Variants in TSNARE1 observed in about 807,000 individuals in gnomAD.
TSNARE1 encodes the protein t-SNARE domain-containing protein 1.
A neutral mutation model predicts 62.0 loss-of-function variants in TSNARE1; 49 were observed. The ratio of observed to expected loss-of-function variants is 0.79; its 90% CI spans 0.63 to 1.00. The LOEUF (loss-of-function observed/expected upper bound fraction) is 1.00. Among genes scored for constraint, TSNARE1 ranks in the 50% least tolerant of loss-of-function variants. The pLI, the probability that TSNARE1 is intolerant of heterozygous loss-of-function variation, is 0.00. For synonymous variants in TSNARE1, 328 were observed against 294.4 expected, an observed-to-expected ratio of 1.11 and a Z score of -1.17; for missense variants, 755 against 700.1, an observed-to-expected ratio of 1.08 and a Z score of -0.88.
chr8:142,361,164 G>A (rs970780854), intron 1 of TSNARE1, among the ~76,000 whole-genome samples: 1 of 152,246 alleles, frequency 6.6e-6, no homozygotes, highest in Non-Finnish European at 1.5e-5. Flanking sequence ...CTTCGGGCAC[G>A]CGTTCTCTGT....
intron 6 of TSNARE1, among the ~76,000 whole-genome samples, chr8:142,327,811 C>T (rs866572760): frequency 1.6e-4 from 24 of 152,214 alleles, no homozygotes; most frequent in Admixed American, 3.9e-4. Flanking sequence ...GATTCTGACA[C>T]GCAAGTCCCG....
intron 12 of TSNARE1, among the ~76,000 whole-genome samples, chr8:142,242,143 C>A (rs34894263): frequency 0.074 from 1,958 of 26,462 alleles, no homozygotes; most frequent in African/African-American, 0.19. Flanking sequence ...AAACTCTAAA[C>A]CTACGATCTC....
chr8:142,387,056 T>G (rs1398254311), intron 1 of TSNARE1, among the ~76,000 whole-genome samples: 1 of 152,118 alleles, frequency 6.6e-6, no homozygotes, highest in African/African-American at 2.4e-5. Context: ...GACTCCAAAT[T>G]AGGAACATAA....
intron 13 of TSNARE1, among the ~76,000 whole-genome samples, chr8:142,226,587 G>A (rs890945047): frequency 6.6e-6 from 1 of 152,160 alleles, no homozygotes; most frequent in Non-Finnish European, 1.5e-5. Flanking sequence ...GCCCCCTCAG[G>A]CAACCCACTC....
intron 1 of TSNARE1, among the ~76,000 whole-genome samples, chr8:142,376,891 G>A (rs1416030255): frequency 6.6e-6 from 1 of 152,240 alleles, no homozygotes; most frequent in Admixed American, 6.5e-5. Flanking sequence ...AGGCTGATCA[G>A]CAGAACCTGG....
At chr8:142,307,019 T>C (rs1037316167) in intron 9 of TSNARE1, among the ~76,000 whole-genome samples, 1 of 152,166 alleles carries the variant, frequency 6.6e-6, no homozygotes, top group Non-Finnish European at 1.5e-5. Context: ...TGTCCACCAG[T>C]GGGGCCTGGT....
chr8:142,260,546 G>A (rs1314853012), intron 12 of TSNARE1, among the ~76,000 whole-genome samples: 1 of 152,104 alleles, frequency 6.6e-6, no homozygotes, highest in East Asian at 1.9e-4. Flanking sequence ...TAACTCAGAA[G>A]CCCAAACTCT....
intron 1 of TSNARE1, among the ~76,000 whole-genome samples, chr8:142,355,558 T>C (rs1363064584): frequency 3.3e-5 from 5 of 152,048 alleles, no homozygotes; most frequent in African/African-American, 4.8e-5. Flanking sequence ...TCAGAGCAAA[T>C]GACCAGAGGA....
At chr8:142,297,249 A>T (rs1382882078) in intron 10 of TSNARE1, among the ~76,000 whole-genome samples, 1 of 152,222 alleles carries the variant, frequency 6.6e-6, no homozygotes, top group Non-Finnish European at 1.5e-5. Flanking sequence ...CCCAGTGGAC[A>T]GGAGCCCCCA....
At chr8:142,293,680 C>T (rs1416300782) in intron 10 of TSNARE1, among the ~76,000 whole-genome samples, 1 of 152,188 alleles carries the variant, frequency 6.6e-6, no homozygotes. Flanking sequence ...GGCTGTCATC[C>T]CTCCCACCAG....
intron 13 of TSNARE1, among the ~76,000 whole-genome samples, chr8:142,217,855 A>ATCAGGGCTCAGTGTGACCAGGG (rs1815967287): frequency 7.9e-6 from 1 of 126,462 alleles, no homozygotes; most frequent in Admixed American, 7.8e-5. Flanking sequence ...TGTGAGCAGG[A>ATCAGGGCTCAGTGTGACCAGGG]TCAGGGCTCA....
At chr8:142,346,943 AGGT>A (rs1430015760) in intron 2 of TSNARE1, among the ~76,000 whole-genome samples, 1 of 152,204 alleles carries the variant, frequency 6.6e-6, no homozygotes, top group Non-Finnish European at 1.5e-5. Flanking sequence ...GACCCCCACG[AGGT>A]GGGCGAGGGC....
chr8:142,232,431 G>T (rs776034975), intron 12 of TSNARE1, among the ~76,000 whole-genome samples: 1 of 152,254 alleles, frequency 6.6e-6, no homozygotes, highest in South Asian at 2.1e-4. Flanking sequence ...GTCTCCCTGC[G>T]CTACGTCTCT....
intron 13 of TSNARE1, among the ~76,000 whole-genome samples, chr8:142,215,605 C>T (rs1020321559): frequency 2.0e-5 from 3 of 152,142 alleles, no homozygotes; most frequent in Non-Finnish European, 4.4e-5. Context: ...AGCTGTCCCC[C>T]GTGACCTACC....
In TSNARE1 at chr8:142,398,986, GC is replaced by G. The variant is rs532299292; in HGVS notation, c.-40+4117del. Among the ~76,000 whole-genome samples the G allele has an allele frequency of 3.5e-3, 530 of 152,328 alleles. 2 individuals carry two copies. Among genetic ancestry groups the G allele is most frequent in the African/African-American group, 0.012 (494 of 41,578 alleles). On this transcript the variant is annotated intron_variant, in intron 1 of 13. Transcript: ENST00000524325. ...GAGAGAATCTCATAGCCTGGATAAG[GC>G]CAGGCAGGACAGCCACAGCTGGCTT...
intron 1 of TSNARE1, among the ~76,000 whole-genome samples, chr8:142,397,737 G>A (rs1382612645): frequency 6.6e-6 from 1 of 152,160 alleles, no homozygotes; most frequent in African/African-American, 2.4e-5. Flanking sequence ...TGAAGCCCAG[G>A]GTTGCCAGGA....
chr8:142,378,493 T>A (rs549815002), intron 1 of TSNARE1, among the ~76,000 whole-genome samples: 1 of 152,296 alleles, frequency 6.6e-6, no homozygotes, highest in South Asian at 2.1e-4. Context: ...TATACACGCT[T>A]GAAGTTTGCG....
intron 1 of TSNARE1, among the ~76,000 whole-genome samples, chr8:142,362,912 T>C (rs1563987023): frequency 6.6e-6 from 1 of 152,020 alleles, no homozygotes; most frequent in Non-Finnish European, 1.5e-5. Flanking sequence ...TGAAGACCAG[T>C]GAGATGAAAC....
rs558592430 is a variant in TSNARE1 at position 142,363,652 on chromosome 8, C to T, written c.-39-8889G>A. ...CACCCTGAGGGCCAGACAGACACCA[C>T]GAACTGGTCCCCACAGGAGCCTTCA... On this transcript the variant is annotated intron_variant, in intron 1 of 13. Transcript: ENST00000524325. Among the ~76,000 whole-genome samples, 6 of 152,276 alleles carry T rather than the reference C, an allele frequency of 3.9e-5. No homozygotes were observed. In the East Asian group the frequency reaches 7.7e-4, roughly 20 times the overall value.
Sources: allele counts gnomAD v4.1 joint callset (sites outside exome capture counted in the v4.1 genomes callset), GRCh38; gene constraint gnomAD v4.1.1; transcripts MANE v1.5; gene names NCBI Gene and HGNC (gene_info 2026-07-23, HGNC 2026-07-21).